The following CPQ variants were observed in gnomAD, a reference collection of about 807,000 sequenced individuals.
CPQ encodes the protein Ser-Met dipeptidase.
A neutral mutation model predicts 45.7 loss-of-function variants in CPQ; 37 were observed. The observed-to-expected ratio is 0.81, with a 90% confidence interval of 0.62 to 1.07. The LOEUF (loss-of-function observed/expected upper bound fraction) is 1.07, where lower values mean the gene tolerates loss of function less well. Among genes scored for constraint, CPQ ranks in the 50% least tolerant of loss-of-function variants. CPQ has a pLI of 0.00. For synonymous variants in CPQ, 186 were observed against 205.8 expected (o/e 0.90, Z 0.82); for missense variants, 537 against 572.9 (o/e 0.94, Z 0.64).
intron 4 of CPQ, among the ~76,000 whole-genome samples, chr8:96,932,346 CAT>C (rs1227711832): frequency 1.1e-4 from 17 of 152,292 alleles, no homozygotes; most frequent in African/African-American, 1.9e-4. Context: ...TCATAAACCA[CAT>C]AGTTATTGAT....
chr8:97,040,469 C>T (rs1301642037), intron 6 of CPQ, among the ~76,000 whole-genome samples: 1 of 151,998 alleles, frequency 6.6e-6, no homozygotes, highest in Non-Finnish European at 1.5e-5. Context: ...TTTTGCTGTG[C>T]AGAAGCTCTT....
intron 6 of CPQ, among the ~76,000 whole-genome samples, chr8:97,039,254 G>A (rs1331980619): frequency 1.3e-5 from 2 of 152,144 alleles, no homozygotes; most frequent in South Asian, 2.1e-4. Flanking sequence ...ATAGCTAAAT[G>A]TGTACTGGAA....
chr8:97,123,558 A>G (rs1366812149), intron 7 of CPQ, among the ~76,000 whole-genome samples: 2 of 151,922 alleles, frequency 1.3e-5, no homozygotes, highest in Non-Finnish European at 2.9e-5. Context: ...ATGAGATGGA[A>G]TTTGAAAAGA....
intron 5 of CPQ, among the ~76,000 whole-genome samples, chr8:96,999,929 T>G (rs1809244786): frequency 6.6e-6 from 1 of 152,104 alleles, no homozygotes; most frequent in Non-Finnish European, 1.5e-5. Context: ...TAACAGACAT[T>G]CTGACTGGTG....
intron 7 of CPQ, among the ~76,000 whole-genome samples, chr8:97,125,800 G>C (rs1477209006): frequency 6.6e-6 from 1 of 152,102 alleles, no homozygotes; most frequent in South Asian, 2.1e-4. Flanking sequence ...TACTACGATG[G>C]GGAATAAGAC....
Position 97,091,573 on chromosome 8 carries a change from T to C in CPQ, c.1255+25363T>C, listed in dbSNP as rs564907235. On this transcript the variant is annotated intron_variant, in intron 7 of 7. Coordinates refer to ENST00000220763, the MANE Select transcript of CPQ (RefSeq NM_016134.4). ...AGTTTTAGGGCAGTATGATTTTTCA[T>C]GGTGAACATTTTAGGTTCTCTTTGT... is the stretch of plus-strand genomic sequence containing the variant. Among the ~76,000 whole-genome samples the C allele has an allele frequency of 3.3e-5, 5 of 152,340 alleles. No homozygotes were observed. The South Asian group carries it at 1.0e-3, about 32-fold the overall frequency.
chr8:96,970,895 G>C (rs115193093), intron 5 of CPQ, among the ~76,000 whole-genome samples: 240 of 152,238 alleles, frequency 1.6e-3, no homozygotes, highest in African/African-American at 5.4e-3. Flanking sequence ...TGTTTTAATG[G>C]AAAAACACTG....
chr8:97,126,352 G>A (rs1811847753), intron 7 of CPQ, among the ~76,000 whole-genome samples: 1 of 152,208 alleles, frequency 6.6e-6, no homozygotes, highest in African/African-American at 2.4e-5. Flanking sequence ...TTTATGCAAA[G>A]TCTTGATGGT....
intron 7 of CPQ, among the ~76,000 whole-genome samples, chr8:97,073,995 G>A (rs1274818687): frequency 6.6e-6 from 1 of 152,134 alleles, no homozygotes; most frequent in Non-Finnish European, 1.5e-5. Flanking sequence ...ATCTGCTTCA[G>A]CTCAAACAGA....
At chr8:96,931,558 G>A (rs1812975945) in intron 4 of CPQ, among the ~76,000 whole-genome samples, 1 of 152,118 alleles carries the variant, frequency 6.6e-6, no homozygotes, top group Non-Finnish European at 1.5e-5. Context: ...GCCTTCAGAG[G>A]AGTAGACAGA....
chr8:96,697,088 G>T (rs1317715917), intron 1 of CPQ, among the ~76,000 whole-genome samples: 2 of 152,022 alleles, frequency 1.3e-5, no homozygotes, highest in Non-Finnish European at 2.9e-5. Context: ...AAAATTACAG[G>T]CCAATCTCCC....
chr8:96,948,769 T>C (rs1360601765), intron 4 of CPQ, among the ~76,000 whole-genome samples: 1 of 152,154 alleles, frequency 6.6e-6, no homozygotes, highest in African/African-American at 2.4e-5. Context: ...ACTGTATTGC[T>C]ATCTATTTCT....
At chr8:97,042,639 C>T (rs1192961916) in intron 6 of CPQ, among the ~76,000 whole-genome samples, 1 of 151,484 alleles carries the variant, frequency 6.6e-6, no homozygotes, top group Non-Finnish European at 1.5e-5. Flanking sequence ...ATAAATTTCC[C>T]TCTACACACT....
chr8:96,766,434 A>G (rs1394720427), intron 1 of CPQ, among the ~76,000 whole-genome samples: 2 of 152,106 alleles, frequency 1.3e-5, no homozygotes, highest in East Asian at 1.9e-4. Context: ...TGCTTCTGTG[A>G]CACTTCATCA....
chr8:96,816,347 G>A (rs755631827), intron 2 of CPQ, among the ~76,000 whole-genome samples: 18 of 152,132 alleles, frequency 1.2e-4, no homozygotes, highest in Non-Finnish European at 2.5e-4. Flanking sequence ...TGAGATTGCA[G>A]TAATTTAGTC....
chr8:97,050,828 A>T (rs1457179295), intron 6 of CPQ, among the ~76,000 whole-genome samples: 4 of 152,218 alleles, frequency 2.6e-5, no homozygotes, highest in African/African-American at 4.8e-5. Context: ...CCTGGCCTAC[A>T]TAGCAACTTA....
intron 1 of CPQ, among the ~76,000 whole-genome samples, chr8:96,740,451 T>C (rs1450975178): frequency 6.6e-6 from 1 of 151,930 alleles, no homozygotes; most frequent in East Asian, 1.9e-4. Flanking sequence ...GAATACCCTT[T>C]ATTTCCTTCT....
chr8:96,668,679 A>G (rs923933453), intron 1 of CPQ, among the ~76,000 whole-genome samples: 5 of 152,054 alleles, frequency 3.3e-5, no homozygotes, highest in African/African-American at 1.2e-4. Flanking sequence ...GCAACTAAAA[A>G]CCCTTGACAT....
Position 96,975,715 on chromosome 8 carries a change from TCA to T in CPQ, c.961+9672_961+9673del, listed in dbSNP as rs75681660. ...GACATAAGTCAATAAATATGATACA[TCA>T]CATAAACAGAATTAAAAACAAAAAT... On this transcript the variant is annotated intron_variant, in intron 5 of 7. Coordinates refer to ENST00000220763, the MANE Select transcript of CPQ (RefSeq NM_016134.4). Among the ~76,000 whole-genome samples the T allele has an allele frequency of 9.2e-5, 14 of 152,016 alleles. No homozygotes were observed. The East Asian group carries it at 2.3e-3, about 25-fold the overall frequency.
Sources: gnomAD v4.1 joint callset for allele counts (sites outside exome capture counted in the v4.1 genomes callset) on GRCh38, gnomAD v4.1.1 for gene constraint, MANE v1.5 for transcripts, NCBI Gene and HGNC (gene_info 2026-07-23, HGNC 2026-07-21) for gene names.